SNRPA1: variants seen among roughly 807,000 people sequenced by gnomAD.
The protein encoded by SNRPA1 is small nuclear ribonucleoprotein polypeptide A'.
A neutral mutation model predicts 32.3 loss-of-function variants in SNRPA1; 5 were observed. The observed-to-expected ratio is 0.15, with a 90% CI of 0.08 to 0.33. The LOEUF (loss-of-function observed/expected upper bound fraction) is 0.33. SNRPA1 is among the 10% of genes least tolerant of loss of function. SNRPA1 has a pLI of 1.00. For missense variants in SNRPA1, 198 were observed against 311.1 expected, an observed-to-expected ratio of 0.64 and a Z score of 2.74; for synonymous variants, 111 against 120.1, an observed-to-expected ratio of 0.92 and a Z score of 0.50.
intron 8 of SNRPA1, among the ~76,000 whole-genome samples, chr15:101,282,452 G>C (rs537358374): frequency 2.6e-5 from 4 of 152,342 alleles, no homozygotes; most frequent in East Asian, 1.9e-4. Flanking sequence ...CACACAGTTA[G>C]AAAAGGGAGG....
intron 3 of SNRPA1, 23 bp from the exon 4 acceptor site, chr15:101,287,725 A>G (rs1309582574): frequency 5.6e-6 from 9 of 1,610,400 alleles, no homozygotes; most frequent in African/African-American, 1.3e-5. Flanking sequence ...AGCCACAGGT[A>G]AGAACGCGAA....
In SNRPA1 at chr15:101,285,808, A is replaced by C; in HGVS notation, c.540-7T>G. Reference sequence around the variant, plus strand: ...ACCAGCACCTGGATTAAAACTTAAGAGGGGGAAGAACATAACTGTTAGACC... The same window carrying C: ...ACCAGCACCTGGATTAAAACTTAAGCGGGGGAAGAACATAACTGTTAGACC... On this transcript the variant is annotated splice_region_variant and splice_polypyrimidine_tract_variant and intron_variant, in intron 6 of 8. Transcript: ENST00000254193. 1 of 1,611,438 alleles carries C rather than the reference A, an allele frequency of 6.2e-7. No homozygotes were observed.
At chr15:101,287,527 T>C (rs552657947) in intron 4 of SNRPA1, 129 bp downstream of exon 4, 5 of 720,544 alleles carry the variant, frequency 6.9e-6, no homozygotes, top group African/African-American at 3.5e-5. Context: ...TCCTTTTTTA[T>C]GGCTGCATAG....
At chr15:101,293,239 A>G (rs1285110194) in intron 1 of SNRPA1, 67 bp from the exon 2 acceptor site, 13 of 1,120,860 alleles carry the variant, frequency 1.2e-5, no homozygotes, top group East Asian at 2.6e-5. Context: ...TTAAAGCATT[A>G]GCTGTATTTC....
At chr15:101,292,404 G>A (rs1303223234) in intron 2 of SNRPA1, among the ~76,000 whole-genome samples, 1 of 152,148 alleles carries the variant, frequency 6.6e-6, no homozygotes, top group African/African-American at 2.4e-5. Flanking sequence ...CTATACTATA[G>A]GGGAATGGTT....
rs1422079335 is a variant in SNRPA1, at chr15:101,295,219, G to GC, written c.-42dup. On this transcript the variant is annotated 5_prime_UTR_variant, in exon 1 of 9. Transcript: ENST00000254193. ...TCCCCCGCGCTGTGGAAAGCCCGTGGCCTCCCGCCAGCGAGACGTCCCAGC... is the reference window on the plus strand; with the variant it reads ...TCCCCCGCGCTGTGGAAAGCCCGTGGCCCTCCCGCCAGCGAGACGTCCCAGC... 6.1e-6 allele frequency: 9 copies of GC among 1,480,042 alleles called. No homozygotes were observed. The highest frequency in any genetic ancestry group is 7.2e-6 in the Non-Finnish European group (8 of 1,113,468). The allele number at this position is 1,480,042 out of a possible 1,614,324, so 91.7% of individuals were successfully genotyped here. A position where few individuals can be genotyped will look rare whatever the true frequency, so the allele number is the denominator to read the frequency against.
chr15:101,285,706 G>C lies in SNRPA1; in HGVS notation c.615+20C>G. On this transcript the variant is annotated intron_variant, in intron 7 of 8. Transcript: ENST00000254193. ...CCCATCTTAGCTCATTCCAGTCCAA[G>C]AATCCTAACACATGATTACCTTGAT... 6.3e-7 allele frequency: 1 copy of C among 1,575,808 alleles called. No homozygotes were observed. Among genetic ancestry groups the C allele is most frequent in the Non-Finnish European group, 8.7e-7 (1 of 1,145,114 alleles).
At chr15:101,285,224 A>G in intron 7 of SNRPA1, 164 bp from the exon 8 acceptor site, 2 of 558,596 alleles carry the variant, frequency 3.6e-6, no homozygotes, top group Non-Finnish European at 6.4e-6. Context: ...CACAAAAATA[A>G]AACTAGAAGC....
At chr15:101,293,413 G>A (rs2141315318) in intron 1 of SNRPA1, 1 of 346,804 alleles carries the variant, frequency 2.9e-6, no homozygotes, top group African/African-American at 2.1e-5. Flanking sequence ...ACAAGGACAA[G>A]GACAATAACA....
Position 101,281,630 on chromosome 15 carries a change from T to C in SNRPA1, c.*94A>G. Reference sequence around the variant, plus strand: ...TAAGCATTTCAACAATGCTGATAGATTCCACTTTGCTAACACAAACAAGGC... The same window carrying C: ...TAAGCATTTCAACAATGCTGATAGACTCCACTTTGCTAACACAAACAAGGC... On this transcript the variant is annotated 3_prime_UTR_variant, in exon 9 of 9. Coordinates refer to ENST00000254193, the MANE Select transcript of SNRPA1 (RefSeq NM_003090.4). 1.1e-6 allele frequency: 1 copy of C among 871,148 alleles called. No homozygotes were observed. The highest frequency in any genetic ancestry group is 2.4e-5 in the East Asian group (1 of 41,210). 54.0% of individuals were successfully genotyped at this position (871,148 alleles called of 1,614,324 possible).
At chr15:101,295,075 C>T (rs2039573686) in intron 1 of SNRPA1, 22 bp downstream of exon 1, 1 of 1,434,280 alleles carries the variant, frequency 7.0e-7, no homozygotes, top group Non-Finnish European at 9.3e-7. Context: ...TGGGGACTGG[C>T]CGCCCACGCC....
chr15:101,287,885 A>C (rs2039473599), intron 3 of SNRPA1, 183 bp from the exon 4 acceptor site: 2 of 559,932 alleles, frequency 3.6e-6, no homozygotes, highest in East Asian at 6.0e-5. Context: ...AATACATGGG[A>C]GCTTCTTAAA....
intron 7 of SNRPA1, 100 bp from the exon 8 acceptor site, chr15:101,285,160 T>C: frequency 1.3e-6 from 1 of 775,638 alleles, no homozygotes; most frequent in East Asian, 2.6e-5. Context: ...TCACAGCAAC[T>C]TCTCCATCAG....
rs527750619 is a variant in SNRPA1, at chr15:101,285,784, C to G, written c.557G>C (p.Gly186Ala). 3.7e-6 allele frequency: 6 copies of G among 1,613,414 alleles called. No homozygotes were observed. In the East Asian group the frequency reaches 1.3e-4, roughly 36 times the overall value. Residue 186 changes from glycine to alanine, a missense_variant, in exon 7 of 9, where the codon GGT becomes GCT. Transcript: ENST00000254193. Reference sequence around the variant, plus strand: ...ACCTTTCTTTTTGTCAGTTGGCAAACCAGCACCTGGATTAAAACTTAAGAG... The same window carrying G: ...ACCTTTCTTTTTGTCAGTTGGCAAAGCAGCACCTGGATTAAAACTTAAGAG... ...RRSKTFNPGA[G>A]LPTDKKKGGP...
intron 5 of SNRPA1, 100 bp from the exon 6 acceptor site, chr15:101,286,393 C>A: frequency 9.8e-7 from 1 of 1,020,288 alleles, no homozygotes; most frequent in Non-Finnish European, 1.4e-6. Context: ...CTACAGTACT[C>A]CGGGCTGGTG....
chr15:101,290,383 C>T (rs1164582855), intron 3 of SNRPA1, among the ~76,000 whole-genome samples: 1 of 152,116 alleles, frequency 6.6e-6, no homozygotes, highest in Non-Finnish European at 1.5e-5. Flanking sequence ...ATATGTATTT[C>T]GGGTTGAATA....
At chr15:101,286,814 T>G in intron 5 of SNRPA1, 94 bp downstream of exon 5, 1 of 644,084 alleles carries the variant, frequency 1.6e-6, no homozygotes, top group Non-Finnish European at 2.7e-6. Flanking sequence ...ATGGTAAAAT[T>G]TACTCATTTA....
At chr15:101,291,131 T>C (rs1567126332) in intron 3 of SNRPA1, among the ~76,000 whole-genome samples, 1 of 152,236 alleles carries the variant, frequency 6.6e-6, no homozygotes. Flanking sequence ...TCCTCCCACC[T>C]TGGCTTCCCA....
At chr15:101,291,889 TA>T in intron 3 of SNRPA1, 72 bp downstream of exon 3, 1 of 936,900 alleles carries the variant, frequency 1.1e-6, no homozygotes, top group Non-Finnish European at 1.7e-6. Flanking sequence ...CTAGATTTTG[TA>T]AATTTTCTGT....
Sources: allele counts gnomAD v4.1 joint callset (sites outside exome capture counted in the v4.1 genomes callset), GRCh38; gene constraint gnomAD v4.1.1; transcripts MANE v1.5; gene names NCBI Gene and HGNC (gene_info 2026-07-23, HGNC 2026-07-21).